SLC66A3: variants seen among roughly 807,000 people sequenced by gnomAD.
SLC66A3 encodes the protein PQ loop repeat containing 3.
Under a neutral mutation model 25.5 loss-of-function variants are expected in SLC66A3, and 23 were observed. The ratio of observed to expected loss-of-function variants is 0.90; its 90% CI spans 0.65 to 1.28. The LOEUF is 1.28. Ranked by LOEUF, SLC66A3 falls within the 50% of genes most tolerant of loss-of-function variation. The pLI is 0.00. For synonymous variants in SLC66A3, 108 were observed against 112.6 expected, an observed-to-expected ratio of 0.96 and a Z score of 0.26; for missense variants, 246 against 262.1, an observed-to-expected ratio of 0.94 and a Z score of 0.42.
rs1235838333 is a variant in SLC66A3 at position 11,160,817 on chromosome 2, AAAAAT to A, written c.296+124_296+128del. 1,182 of 1,364,372 alleles carry A rather than the reference AAAAAT, an allele frequency of 8.7e-4. 5 individuals are homozygous for A. Among genetic ancestry groups the A allele is most frequent in the East Asian group, 1.9e-3 (75 of 38,830 alleles). The allele number at this position is 1,364,372 out of a possible 1,614,324, so 84.5% of individuals were successfully genotyped here. On this transcript the variant is annotated intron_variant, in intron 3 of 6. Transcript: ENST00000295083. ...TGGTTAAACTAAAAAAAAAAAAAAAAAAAATCCCAAATGCAAACGTGTCCATGTAC... is the reference window on the plus strand; with the variant it reads ...TGGTTAAACTAAAAAAAAAAAAAAAACCCAAATGCAAACGTGTCCATGTAC...
intron 3 of SLC66A3, among the ~76,000 whole-genome samples, chr2:11,162,707 C>T (rs561504179): frequency 7.2e-5 from 11 of 152,242 alleles, no homozygotes; most frequent in African/African-American, 2.2e-4. Flanking sequence ...CCCGGGTTCA[C>T]GCCATTCTCC....
intron 4 of SLC66A3, among the ~76,000 whole-genome samples, chr2:11,169,435 CAG>C (rs1253380695): frequency 1.3e-5 from 2 of 152,158 alleles, no homozygotes; most frequent in African/African-American, 4.8e-5. Context: ...TCATTCGCGC[CAG>C]AGCCTGTGGC....
Position 11,177,922 on chromosome 2 carries a change from T to G in SLC66A3, c.*94T>G, listed in dbSNP as rs1037946246. The G allele has an allele frequency of 2.6e-6, 2 of 763,458 alleles. No homozygotes were observed. The highest frequency in any genetic ancestry group is 4.3e-6 in the Non-Finnish European group (2 of 464,346). The allele number at this position is 763,458 out of a possible 1,614,324, so 47.3% of individuals were successfully genotyped here. A position where few individuals can be genotyped will look rare whatever the true frequency, so the allele number is the denominator to read the frequency against. Reference sequence around the variant, plus strand: ...AAATTAAGGTCTTTTATAAATTTAGTAAATCAGTTTATAATCTTTAAAGCC... The same window carrying G: ...AAATTAAGGTCTTTTATAAATTTAGGAAATCAGTTTATAATCTTTAAAGCC... On this transcript the variant is annotated 3_prime_UTR_variant, in exon 7 of 7. Coordinates refer to ENST00000295083, the MANE Select transcript of SLC66A3 (RefSeq NM_152391.5).
intron 1 of SLC66A3, chr2:11,160,218 G>A (rs933995988): frequency 1.2e-5 from 7 of 569,986 alleles, no homozygotes; most frequent in Non-Finnish European, 2.2e-5. Context: ...CCATCTCAAG[G>A]CACTCTATAG....
intron 4 of SLC66A3, among the ~76,000 whole-genome samples, chr2:11,168,400 C>T (rs934839452): frequency 4.6e-5 from 7 of 152,082 alleles, no homozygotes. Context: ...TGTGATAAGA[C>T]ATTCCAGGGC....
intron 4 of SLC66A3, 38 bp from the exon 5 acceptor site, chr2:11,171,887 A>T (rs778079991): frequency 1.1e-5 from 17 of 1,610,778 alleles, no homozygotes; most frequent in Admixed American, 3.3e-5. Flanking sequence ...TTTTTAACAA[A>T]TCGACTCGTG....
At chr2:11,155,807 A>T in intron 1 of SLC66A3, 118 bp downstream of exon 1, 1 of 1,035,482 alleles carries the variant, frequency 9.7e-7, no homozygotes, top group Non-Finnish European at 1.3e-6. Context: ...CCGGCGTCGC[A>T]GCTGGGCGGC....
chr2:11,160,562 C>G lies in SLC66A3; in HGVS notation c.226+14C>G, dbSNP rs1327817457. The G allele has an allele frequency of 6.2e-7, 1 of 1,614,186 alleles. No homozygotes were observed. Among genetic ancestry groups the G allele is most frequent in the East Asian group, 2.2e-5 (1 of 44,880 alleles). On this transcript the variant is annotated intron_variant, in intron 2 of 6. Transcript: ENST00000295083. ...TCATCGCGCAAGGTAACAGCCCCTT[C>G]CCTGTCCAGCGGACTGCCACGGGTC...
Position 11,158,711 on chromosome 2 carries a change from C to G in SLC66A3, c.144-1755C>G, listed in dbSNP as rs530788207. 3.3e-5 allele frequency among the ~76,000 whole-genome samples: 5 copies of G among 151,650 alleles called. No homozygotes were observed. In the East Asian group the frequency reaches 9.7e-4, roughly 29 times the overall value. Reference sequence around the variant, plus strand: ...AGTGGCACACATGTAGTCTCAGCTACTCGGGAGGCTGAGCAGGAGAACCGC... The same window carrying G: ...AGTGGCACACATGTAGTCTCAGCTAGTCGGGAGGCTGAGCAGGAGAACCGC... On this transcript the variant is annotated intron_variant, in intron 1 of 6. Transcript: ENST00000295083.
chr2:11,169,348 C>T (rs1046307195), intron 4 of SLC66A3, among the ~76,000 whole-genome samples: 21 of 152,172 alleles, frequency 1.4e-4, no homozygotes, highest in Admixed American at 5.2e-4. Flanking sequence ...GGAAACAGAC[C>T]GAGTGTTCCC....
Position 11,160,499 on chromosome 2 carries a change from TG to T in SLC66A3, c.180del (p.Tyr61IlefsTer4), listed in dbSNP as rs1269277521. The T allele has an allele frequency of 1.2e-6, 2 of 1,614,050 alleles. No individual in the cohort carries two copies. The highest frequency in any genetic ancestry group is 1.7e-6 in the Non-Finnish European group (2 of 1,180,042). ...TGTTTCTGCGGTACCAGTGTTACTA[TG>T]GGTATCCGCCGCTGACCTACCTGGA... ...LVFLRYQCYY[G>X]YPPLTYLEYP... On this transcript the variant is annotated frameshift_variant, in exon 2 of 7. Transcript: ENST00000295083. LOFTEE classifies it high-confidence loss of function.
In SLC66A3 at chr2:11,156,200, G is replaced by T. The variant is rs138521026; in HGVS notation, c.143+511G>T. Among the ~76,000 whole-genome samples the T allele has an allele frequency of 8.0e-3, 1,216 of 152,262 alleles. 19 individuals carry two copies. Among genetic ancestry groups the T allele is most frequent in the African/African-American group, 0.028 (1,153 of 41,536 alleles). On this transcript the variant is annotated intron_variant, in intron 1 of 6. Transcript: ENST00000295083. ...TATTTAATGAGATTCCTTGGGAGAG[G>T]GTCTTAAGACAATTGCATTTCTTGT...
At chr2:11,172,181 C>T in intron 5 of SLC66A3, 136 bp downstream of exon 5, 2 of 662,370 alleles carry the variant, frequency 3.0e-6, no homozygotes, top group Non-Finnish European at 4.9e-6. Flanking sequence ...GCTAGAACCT[C>T]CTAAGTGTAT....
chr2:11,159,066 C>T (rs1209423395), intron 1 of SLC66A3, among the ~76,000 whole-genome samples: 1 of 152,212 alleles, frequency 6.6e-6, no homozygotes, highest in Non-Finnish European at 1.5e-5. Context: ...GCATGGATGA[C>T]CCCTGAAGGT....
chr2:11,169,343 C>T (rs1184399184), intron 4 of SLC66A3, among the ~76,000 whole-genome samples: 3 of 152,232 alleles, frequency 2.0e-5, no homozygotes, highest in Non-Finnish European at 2.9e-5. Context: ...CAGCAGGAAA[C>T]AGACCGAGTG....
intron 1 of SLC66A3, 111 bp from the exon 2 acceptor site, chr2:11,160,355 A>T: frequency 1.2e-6 from 1 of 857,564 alleles, no homozygotes; most frequent in Non-Finnish European, 2.0e-6. Flanking sequence ...TGGCGTGTCC[A>T]CACCCCCACT....
chr2:11,167,669 TC>T lies in SLC66A3; in HGVS notation c.354+3410del, dbSNP rs1662391239. Among the ~76,000 whole-genome samples the T allele has an allele frequency of 1.3e-5, 2 of 152,178 alleles. 1 individual carries two copies. Among genetic ancestry groups the T allele is most frequent in the South Asian group, 4.1e-4 (2 of 4,826 alleles). ...CCTCCTTCACTGACTCAATGAGTGT[TC>T]CTCACGCACCTGCTCTGAGGTACCA... On this transcript the variant is annotated intron_variant, in intron 4 of 6. Transcript: ENST00000295083.
intron 3 of SLC66A3, among the ~76,000 whole-genome samples, chr2:11,161,042 A>G (rs1046754921): frequency 6.6e-6 from 1 of 152,178 alleles, no homozygotes; most frequent in Non-Finnish European, 1.5e-5. Flanking sequence ...AGCAATAATA[A>G]TGAGAGTATC....
intron 4 of SLC66A3, among the ~76,000 whole-genome samples, chr2:11,169,618 C>G (rs938533791): frequency 6.6e-6 from 1 of 152,034 alleles, no homozygotes; most frequent in South Asian, 2.1e-4. Context: ...CCCTGACTTC[C>G]GTGTTCCCAG....
Sources: gnomAD v4.1 joint callset for allele counts (sites outside exome capture counted in the v4.1 genomes callset) on GRCh38, gnomAD v4.1.1 for gene constraint, MANE v1.5 for transcripts, NCBI Gene and HGNC (gene_info 2026-07-23, HGNC 2026-07-21) for gene names.